PDE4D: variants seen among roughly 807,000 people sequenced by gnomAD.
PDE4D encodes phosphodiesterase 4D.
PDE4D carries 24 observed loss-of-function variants against 87.4 expected under a neutral mutation model. The ratio of observed to expected loss-of-function variants is 0.27; its 90% CI spans 0.20 to 0.39. The LOEUF is 0.39. Among genes scored for constraint, PDE4D ranks in the 10% least tolerant of loss-of-function variants. The pLI, the probability that PDE4D is intolerant of heterozygous loss-of-function variation, is 1.00. For missense variants in PDE4D, 714 were observed against 1,041.0 expected, an observed-to-expected ratio of 0.69 and a Z score of 4.32; for synonymous variants, 384 against 383.2, an observed-to-expected ratio of 1.00 and a Z score of -0.02.
intron 2 of PDE4D, among the ~76,000 whole-genome samples, chr5:60,051,017 AG>A (rs2152878993): frequency 6.6e-6 from 1 of 152,360 alleles, no homozygotes; most frequent in South Asian, 2.1e-4. Context: ...TACCCAATAC[AG>A]GAGTACTCAG....
At chr5:59,202,874 G>A (rs1392573543) in intron 2 of PDE4D, among the ~76,000 whole-genome samples, 1 of 152,154 alleles carries the variant, frequency 6.6e-6, no homozygotes, top group Non-Finnish European at 1.5e-5. Flanking sequence ...TCTCAGATAT[G>A]TCTTTATCAG....
At chr5:60,231,711 T>C (rs1379743821) in intron 1 of PDE4D, among the ~76,000 whole-genome samples, 1 of 152,018 alleles carries the variant, frequency 6.6e-6, no homozygotes, top group Non-Finnish European at 1.5e-5. Context: ...TGTAATCCTA[T>C]ATAACCATTC....
intron 1 of PDE4D, among the ~76,000 whole-genome samples, chr5:59,248,899 C>T (rs1012719477): frequency 6.6e-6 from 1 of 151,836 alleles, no homozygotes; most frequent in African/African-American, 2.4e-5. Flanking sequence ...TAAAAAATCA[C>T]AAATACGGAA....
intron 2 of PDE4D, among the ~76,000 whole-genome samples, chr5:60,063,335 T>A (rs1324628970): frequency 6.6e-6 from 1 of 152,076 alleles, no homozygotes; most frequent in Admixed American, 6.6e-5. Flanking sequence ...TCTAATTGTG[T>A]CAAGTACAGA....
intron 5 of PDE4D, among the ~76,000 whole-genome samples, chr5:59,113,251 G>A: frequency 6.6e-6 from 1 of 152,190 alleles, no homozygotes; most frequent in South Asian, 2.1e-4. Flanking sequence ...AGAATTGATG[G>A]TAGGGGACCT....
intron 5 of PDE4D, among the ~76,000 whole-genome samples, chr5:59,162,487 C>T (rs916156024): frequency 1.3e-5 from 2 of 152,072 alleles, no homozygotes; most frequent in African/African-American, 4.8e-5. Context: ...TAAAAACAGA[C>T]TTCACCTGTA....
At chr5:60,102,592 T>C (rs1776341537) in intron 2 of PDE4D, among the ~76,000 whole-genome samples, 1 of 152,124 alleles carries the variant, frequency 6.6e-6, no homozygotes, top group South Asian at 2.1e-4. Context: ...CTGAGGTAGC[T>C]AGGGAACCAG....
At chr5:60,418,972 T>C (rs751436914) in intron 1 of PDE4D, among the ~76,000 whole-genome samples, 6 of 152,112 alleles carry the variant, frequency 3.9e-5, no homozygotes, top group Non-Finnish European at 8.8e-5. Context: ...ATTTTGTAGA[T>C]GTACCATGGA....
At chr5:59,037,405 A>T (rs2153391690) in intron 6 of PDE4D, among the ~76,000 whole-genome samples, 1 of 152,302 alleles carries the variant, frequency 6.6e-6, no homozygotes, top group South Asian at 2.1e-4. Flanking sequence ...AGGACACTGG[A>T]CATATTCAGC....
At chr5:60,107,306 G>A (rs142718715) in intron 2 of PDE4D, among the ~76,000 whole-genome samples, 107,094 of 151,628 alleles carry the variant, frequency 0.71, 38,554 homozygotes, top group African/African-American at 0.79. Context: ...AGACTAAACC[G>A]GGAAGAAGTT....
At chr5:60,384,896 AT>A (rs1762098812) in intron 1 of PDE4D, among the ~76,000 whole-genome samples, 1 of 152,186 alleles carries the variant, frequency 6.6e-6, no homozygotes, top group Admixed American at 6.5e-5. Flanking sequence ...CAAAAATCCT[AT>A]TCCTCTTCTT....
At chr5:59,457,663 G>C (rs1158608769) in intron 1 of PDE4D, among the ~76,000 whole-genome samples, 1 of 152,120 alleles carries the variant, frequency 6.6e-6, no homozygotes, top group Non-Finnish European at 1.5e-5. Context: ...GGCCGAGGCA[G>C]GTGGATCACC....
chr5:59,024,021 C>T (rs1335052581), intron 6 of PDE4D, among the ~76,000 whole-genome samples: 8 of 151,174 alleles, frequency 5.3e-5, no homozygotes, highest in African/African-American at 2.0e-4. Flanking sequence ...TCCTGCTCAG[C>T]CTCCCGAGTA....
intron 1 of PDE4D, among the ~76,000 whole-genome samples, chr5:59,842,903 C>T (rs535498808): frequency 8.5e-5 from 13 of 152,094 alleles, no homozygotes; most frequent in African/African-American, 3.1e-4. Context: ...ATGATTACTT[C>T]TCATCTATAT....
intron 1 of PDE4D, among the ~76,000 whole-genome samples, chr5:60,195,664 C>T (rs1048466433): frequency 6.6e-6 from 1 of 151,720 alleles, no homozygotes; most frequent in African/African-American, 2.4e-5. Flanking sequence ...ATAAAAATCT[C>T]TCTCCACGTG....
At chr5:59,093,995 GGATCATGAGGTCAAGAGATCGA>G (rs1220584820) in intron 5 of PDE4D, among the ~76,000 whole-genome samples, 4 of 151,838 alleles carry the variant, frequency 2.6e-5, no homozygotes, top group Non-Finnish European at 5.9e-5. Flanking sequence ...TGAGGTGGGC[GGATCATGAGGTCAAGAGATCGA>G]GATCACCCTG....
chr5:59,874,053 A>AT (rs1013452985), intron 1 of PDE4D, among the ~76,000 whole-genome samples: 15 of 151,656 alleles, frequency 9.9e-5, no homozygotes, highest in African/African-American at 1.5e-4. Context: ...CTACAGAAAA[A>AT]TTTTTTTTTA....
intron 1 of PDE4D, among the ~76,000 whole-genome samples, chr5:60,215,219 A>C (rs149106750): frequency 1.5e-4 from 23 of 152,182 alleles, no homozygotes; most frequent in African/African-American, 5.6e-4. Flanking sequence ...ACTTAAAGAC[A>C]TTTGGTATCT....
At chr5:59,048,877 T>C (rs1037567425) in intron 5 of PDE4D, among the ~76,000 whole-genome samples, 6 of 152,224 alleles carry the variant, frequency 3.9e-5, no homozygotes, top group African/African-American at 1.2e-4. Flanking sequence ...TAGATTCATA[T>C]AATGGTCTAC....
Sources: allele counts gnomAD v4.1 joint callset (sites outside exome capture counted in the v4.1 genomes callset), GRCh38; gene constraint gnomAD v4.1.1; transcripts MANE v1.5; gene names NCBI Gene and HGNC (gene_info 2026-07-23, HGNC 2026-07-21).